The following TSHZ2 variants were observed in gnomAD, a reference collection of about 807,000 sequenced individuals.
The protein encoded by TSHZ2 is teashirt homolog 2.
In TSHZ2, 21 loss-of-function variants were observed where a neutral mutation model predicts 74.4. The ratio of observed to expected loss-of-function variants is 0.28; its 90% CI spans 0.20 to 0.41. TSHZ2 has a LOEUF of 0.41. Ranked by LOEUF, TSHZ2 falls within the 10% of genes least tolerant of loss-of-function variation. TSHZ2 has a pLI of 1.00. For synonymous variants in TSHZ2, 540 were observed against 515.3 expected (o/e 1.05, Z -0.65); for missense variants, 1,244 against 1,293.5 (o/e 0.96, Z 0.59).
chr20:52,974,897 G>A (rs1394838562), intron 1 of TSHZ2, among the ~76,000 whole-genome samples: 2 of 152,150 alleles, frequency 1.3e-5, no homozygotes, highest in Non-Finnish European at 2.9e-5. Context: ...TTCCCTAAAA[G>A]CAAAATAATT....
At position 53,209,237 on chromosome 20, in the gene TSHZ2, G is replaced by A. The variant is rs150490412; in HGVS notation, c.41-44262G>A. On this transcript the variant is annotated intron_variant, in intron 1 of 2. Coordinates refer to ENST00000371497, the MANE Select transcript of TSHZ2 (RefSeq NM_173485.6). ...TGAGTAGCTGGGATTACAGGCATGCGCAACCATGCCTGGCTAATTTTTGTA... is the reference window on the plus strand; with the variant it reads ...TGAGTAGCTGGGATTACAGGCATGCACAACCATGCCTGGCTAATTTTTGTA... 5.7e-3 allele frequency among the ~76,000 whole-genome samples: 872 copies of A among 152,140 alleles called. 13 individuals are homozygous for A. The highest frequency in any genetic ancestry group is 0.02 in the African/African-American group (824 of 41,496).
intron 2 of TSHZ2, among the ~76,000 whole-genome samples, chr20:53,467,224 A>G (rs1985589241): frequency 6.6e-6 from 1 of 152,202 alleles, no homozygotes; most frequent in African/African-American, 2.4e-5. Flanking sequence ...ATAAAAAGGG[A>G]AAAATTTTCT....
At chr20:53,224,620 C>T (rs900427676) in intron 1 of TSHZ2, among the ~76,000 whole-genome samples, 5 of 152,022 alleles carry the variant, frequency 3.3e-5, no homozygotes, top group South Asian at 2.1e-4. Flanking sequence ...GAGGCTGAGG[C>T]GGATGAATCA....
chr20:52,973,205 A>G lies in TSHZ2; in HGVS notation c.-89A>G. The G allele has an allele frequency of 5.9e-6, 9 of 1,519,336 alleles. No homozygotes were observed. In the South Asian group the frequency reaches 1.1e-4, roughly 18 times the overall value. The allele number at this position is 1,519,336 out of a possible 1,614,324, so 94.1% of individuals were successfully genotyped here. On this transcript the variant is annotated 5_prime_UTR_variant, in exon 1 of 3. Coordinates refer to ENST00000371497, the MANE Select transcript of TSHZ2 (RefSeq NM_173485.6). ...CTAGGAGCCACCGGGCAAGAGGCGG[A>G]GGAGACCCAGAGAGGCCAGAGAGAC...
chr20:53,443,916 G>A (rs1483687816), intron 2 of TSHZ2, among the ~76,000 whole-genome samples: 1 of 152,198 alleles, frequency 6.6e-6, no homozygotes, highest in East Asian at 1.9e-4. Flanking sequence ...GGCCTGGTGT[G>A]TTCCAAGGGC....
At chr20:53,003,063 T>C (rs910767483) in intron 1 of TSHZ2, among the ~76,000 whole-genome samples, 4 of 152,164 alleles carry the variant, frequency 2.6e-5, no homozygotes, top group Non-Finnish European at 5.9e-5. Flanking sequence ...AAAGGACAAA[T>C]ACATTATCTA....
At chr20:53,210,469 A>G (rs986329220) in intron 1 of TSHZ2, among the ~76,000 whole-genome samples, 10 of 152,012 alleles carry the variant, frequency 6.6e-5, no homozygotes, top group African/African-American at 2.4e-4. Flanking sequence ...TTGGCTGTCC[A>G]GTGGCTGAAC....
intron 1 of TSHZ2, among the ~76,000 whole-genome samples, chr20:53,125,160 T>C (rs1271995796): frequency 6.6e-6 from 1 of 152,262 alleles, no homozygotes. Flanking sequence ...AGGGTGATTT[T>C]GAGGATTAAA....
chr20:53,314,149 G>T (rs1324242766), intron 2 of TSHZ2, among the ~76,000 whole-genome samples: 4 of 152,010 alleles, frequency 2.6e-5, no homozygotes, highest in Non-Finnish European at 5.9e-5. Flanking sequence ...TCAGTCAGAT[G>T]TGGTGATGGG....
intron 2 of TSHZ2, among the ~76,000 whole-genome samples, chr20:53,481,481 G>A (rs566818396): frequency 9.9e-5 from 15 of 152,062 alleles, no homozygotes; most frequent in Middle Eastern, 3.4e-3. Flanking sequence ...GGCTGAGGTG[G>A]GAGGATCACC....
At chr20:53,419,859 A>G (rs1478129387) in intron 2 of TSHZ2, among the ~76,000 whole-genome samples, 1 of 152,234 alleles carries the variant, frequency 6.6e-6, no homozygotes, top group Non-Finnish European at 1.5e-5. Flanking sequence ...CTATTGATGT[A>G]CAGTGTCCCA....
chr20:53,306,790 G>A (rs775273777), intron 2 of TSHZ2, among the ~76,000 whole-genome samples: 4 of 151,960 alleles, frequency 2.6e-5, no homozygotes, highest in African/African-American at 4.8e-5. Context: ...AATATTTATC[G>A]TGTGCCTACT....
chr20:53,086,693 T>A (rs1160060682), intron 1 of TSHZ2, among the ~76,000 whole-genome samples: 1 of 152,192 alleles, frequency 6.6e-6, no homozygotes, highest in Non-Finnish European at 1.5e-5. Flanking sequence ...TTTGCCTCTG[T>A]TAACTGGAAC....
chr20:53,083,762 A>G (rs1047285909), intron 1 of TSHZ2, among the ~76,000 whole-genome samples: 1 of 152,228 alleles, frequency 6.6e-6, no homozygotes, highest in Non-Finnish European at 1.5e-5. Flanking sequence ...GATAGTATGG[A>G]ATTCTGTTTC....
At chr20:53,293,376 T>G (rs1050338036) in intron 2 of TSHZ2, among the ~76,000 whole-genome samples, 1 of 152,028 alleles carries the variant, frequency 6.6e-6, no homozygotes, top group South Asian at 2.1e-4. Context: ...GGCACGAGAA[T>G]TGCTTGAACA....
intron 2 of TSHZ2, among the ~76,000 whole-genome samples, chr20:53,306,096 C>T (rs1382166812): frequency 2.0e-5 from 3 of 152,144 alleles, no homozygotes; most frequent in African/African-American, 7.2e-5. Context: ...TGGTTCTGCT[C>T]ACTCATCTTG....
chr20:53,069,878 G>GA (rs1400268169), intron 1 of TSHZ2, among the ~76,000 whole-genome samples: 1 of 152,046 alleles, frequency 6.6e-6, no homozygotes, highest in Non-Finnish European at 1.5e-5. Context: ...CTTGCTTAAT[G>GA]AAAATCAGCT....
At chr20:53,182,119 CT>C (rs1988485481) in intron 1 of TSHZ2, among the ~76,000 whole-genome samples, 1 of 151,472 alleles carries the variant, frequency 6.6e-6, no homozygotes, top group African/African-American at 2.4e-5. Context: ...TCCTTCCTCC[CT>C]TCTTTCTCTC....
At chr20:53,174,422 C>A (rs533077825) in intron 1 of TSHZ2, among the ~76,000 whole-genome samples, 3 of 152,250 alleles carry the variant, frequency 2.0e-5, no homozygotes, top group African/African-American at 4.8e-5. Flanking sequence ...CAAAAGCAAC[C>A]CTTCATAGGC....
Sources: gnomAD v4.1 joint callset for allele counts (sites outside exome capture counted in the v4.1 genomes callset) on GRCh38, gnomAD v4.1.1 for gene constraint, MANE v1.5 for transcripts, NCBI Gene and HGNC (gene_info 2026-07-23, HGNC 2026-07-21) for gene names.